The following CDH18 variants were observed in gnomAD, a reference collection of about 807,000 sequenced individuals.
CDH18 encodes the protein cadherin 18, also known as cadherin-18.
In CDH18, 31 loss-of-function variants were observed where a neutral mutation model predicts 67.9. The ratio of observed to expected loss-of-function variants is 0.46; its 90% confidence interval spans 0.34 to 0.62. CDH18 has a LOEUF of 0.62. Ranked by LOEUF, CDH18 falls within the 20% of genes least tolerant of loss-of-function variation. The pLI, the probability that CDH18 is intolerant of heterozygous loss-of-function variation, is 0.01. For synonymous variants in CDH18, 362 were observed against 347.2 expected (o/e 1.04, Z -0.48); for missense variants, 890 against 975.5 (o/e 0.91, Z 1.17).
intron 2 of CDH18, among the ~76,000 whole-genome samples, chr5:20,249,696 T>G (rs1743680496): frequency 1.3e-5 from 2 of 152,280 alleles, no homozygotes; most frequent in South Asian, 4.1e-4. Context: ...ATAATGCAGT[T>G]TATGGCTCTA....
intron 1 of CDH18, among the ~76,000 whole-genome samples, chr5:20,380,870 G>C (rs1743853597): frequency 1.3e-5 from 2 of 152,096 alleles, no homozygotes; most frequent in South Asian, 4.2e-4. Flanking sequence ...ATTCTCTATA[G>C]CTTCATATTA....
At chr5:19,962,186 T>C (rs1184840077) in intron 2 of CDH18, among the ~76,000 whole-genome samples, 1 of 151,812 alleles carries the variant, frequency 6.6e-6, no homozygotes, top group Non-Finnish European at 1.5e-5. Context: ...AATGTTTTTA[T>C]GTAAATTATT....
chr5:19,789,760 T>G (rs1018419122), intron 3 of CDH18, among the ~76,000 whole-genome samples: 15 of 152,114 alleles, frequency 9.9e-5, no homozygotes, highest in African/African-American at 3.6e-4. Flanking sequence ...AGAATTGATG[T>G]TTGCCAATAG....
intron 3 of CDH18, among the ~76,000 whole-genome samples, chr5:19,804,953 T>C (rs1368013084): frequency 2.8e-5 from 1 of 35,330 alleles, no homozygotes; most frequent in East Asian, 4.7e-4. Flanking sequence ...TTATTATGAT[T>C]TTTTTTTTTT....
intron 1 of CDH18, among the ~76,000 whole-genome samples, chr5:20,262,920 G>T (rs1003044801): frequency 1.4e-5 from 2 of 147,434 alleles, no homozygotes; most frequent in African/African-American, 5.0e-5. Flanking sequence ...AAGAAAGAAG[G>T]GAGGAAGAAG....
chr5:20,376,283 C>T (rs1380937418), intron 1 of CDH18, among the ~76,000 whole-genome samples: 11 of 150,566 alleles, frequency 7.3e-5, no homozygotes, highest in African/African-American at 2.7e-4. Flanking sequence ...TTAGTAGAGA[C>T]GGGGTTTCGT....
chr5:19,935,724 T>A (rs1794173103), intron 2 of CDH18, among the ~76,000 whole-genome samples: 1 of 150,616 alleles, frequency 6.6e-6, no homozygotes, highest in Non-Finnish European at 1.5e-5. Flanking sequence ...TTTTTTTTAC[T>A]GTGGAAAATA....
At chr5:20,365,166 G>A (rs1742402080) in intron 1 of CDH18, among the ~76,000 whole-genome samples, 1 of 152,152 alleles carries the variant, frequency 6.6e-6, no homozygotes, top group South Asian at 2.1e-4. Flanking sequence ...GTTGGGTTCT[G>A]ATATGAGACC....
chr5:19,884,754 G>A (rs1788019613), intron 2 of CDH18, among the ~76,000 whole-genome samples: 1 of 151,884 alleles, frequency 6.6e-6, no homozygotes, highest in Non-Finnish European at 1.5e-5. Context: ...ATTGTTGCTT[G>A]AAAGGACAGG....
At chr5:20,550,152 T>C (rs1206408439) in intron 1 of CDH18, among the ~76,000 whole-genome samples, 1 of 152,196 alleles carries the variant, frequency 6.6e-6, no homozygotes, top group Non-Finnish European at 1.5e-5. Flanking sequence ...TACATACTAC[T>C]GAGTTTAAAA....
intron 6 of CDH18, among the ~76,000 whole-genome samples, chr5:19,599,669 G>A (rs1227047770): frequency 2.0e-5 from 3 of 152,104 alleles, no homozygotes; most frequent in East Asian, 3.9e-4. Context: ...TTGGGAGGCC[G>A]AGGCGGGCAG....
At chr5:20,271,295 G>A (rs529780785) in intron 1 of CDH18, among the ~76,000 whole-genome samples, 9 of 152,152 alleles carry the variant, frequency 5.9e-5, no homozygotes, top group South Asian at 4.1e-4. Context: ...TTGTCCTCAC[G>A]AGAGGCTGGT....
At chr5:20,149,436 CTCTT>C (rs1225263893) in intron 2 of CDH18, among the ~76,000 whole-genome samples, 1 of 152,110 alleles carries the variant, frequency 6.6e-6, no homozygotes, top group Non-Finnish European at 1.5e-5. Context: ...CCTCATTTTT[CTCTT>C]TCTAAGGAGT....
intron 2 of CDH18, among the ~76,000 whole-genome samples, chr5:20,002,449 G>A (rs536660898): frequency 1.3e-5 from 2 of 152,272 alleles, no homozygotes; most frequent in Admixed American, 6.5e-5. Flanking sequence ...TGGTATAATA[G>A]CACATTTCTG....
chr5:20,567,895 T>C (rs1033751567), intron 1 of CDH18, among the ~76,000 whole-genome samples: 2 of 152,168 alleles, frequency 1.3e-5, no homozygotes, highest in African/African-American at 2.4e-5. Context: ...GAATAAAATG[T>C]CATATTTAGG....
intron 2 of CDH18, among the ~76,000 whole-genome samples, chr5:19,976,174 CTTAA>C (rs1270273278): frequency 2.6e-5 from 4 of 152,080 alleles, no homozygotes; most frequent in African/African-American, 4.8e-5. Context: ...TTAAATAATT[CTTAA>C]TTAAACTTCC....
chr5:19,972,961 T>C (rs1798167294), intron 2 of CDH18, among the ~76,000 whole-genome samples: 2 of 152,038 alleles, frequency 1.3e-5, no homozygotes, highest in Non-Finnish European at 2.9e-5. Flanking sequence ...TTTCTATTAT[T>C]ATCTGAAGTA....
At chr5:19,513,423 C>G (rs2126844854) in intron 10 of CDH18, among the ~76,000 whole-genome samples, 1 of 152,154 alleles carries the variant, frequency 6.6e-6, no homozygotes, top group Admixed American at 6.6e-5. Flanking sequence ...AGGCGGTAAG[C>G]CTCTTGATTT....
intron 1 of CDH18, among the ~76,000 whole-genome samples, chr5:20,353,518 TTC>T (rs1741374927): frequency 6.6e-6 from 1 of 152,128 alleles, no homozygotes; most frequent in Non-Finnish European, 1.5e-5. Flanking sequence ...AACTTTTATA[TTC>T]TGTTTAATTT....
Sources: allele counts gnomAD v4.1 joint callset (sites outside exome capture counted in the v4.1 genomes callset), GRCh38; gene constraint gnomAD v4.1.1; transcripts MANE v1.5; gene names NCBI Gene and HGNC (gene_info 2026-07-23, HGNC 2026-07-21).